The following CHD1L variants were observed in gnomAD, a reference collection of about 807,000 sequenced individuals.
The protein encoded by CHD1L is chromodomain helicase DNA binding protein 1 like.
CHD1L carries 118 observed loss-of-function variants against 115.9 expected under a neutral mutation model. The observed-to-expected ratio is 1.02, with a 90% confidence interval of 0.88 to 1.19. The LOEUF (loss-of-function observed/expected upper bound fraction) is 1.19, where lower values mean the gene tolerates loss of function less well. Among genes scored for constraint, CHD1L ranks in the 50% most tolerant of loss-of-function variants. The pLI is 0.00. For synonymous variants in CHD1L, 411 were observed against 387.1 expected (o/e 1.06, Z -0.72); for missense variants, 1,179 against 1,065.3 (o/e 1.11, Z -1.49).
chr1:147,252,877 G>C (rs991914546), intron 2 of CHD1L, 142 bp downstream of exon 2: 6 of 659,316 alleles, frequency 9.1e-6, no homozygotes, highest in South Asian at 1.9e-5. Flanking sequence ...CTCTTGCACC[G>C]GGAAAGGGCC....
rs1311096135 is a variant in CHD1L, at chr1:147,252,729, C to T, written c.234C>T (p.Thr78=). The change falls in exon 2 of 23, where the codon ACC becomes ACT. Residue 78 remains threonine (T), a synonymous_variant. Transcript: ENST00000369258. Reference sequence around the variant, plus strand: ...GAGATGAGATGGGCCTGGGGAAGACCTGCCAGGTGTGTTACTATGCGACGA... The same window carrying T: ...GAGATGAGATGGGCCTGGGGAAGACTTGCCAGGTGTGTTACTATGCGACGA... ...ILGDEMGLGK[T]CQTIALFIYL... 1 of 1,612,698 alleles carries T rather than the reference C, an allele frequency of 6.2e-7. No homozygotes were observed. Among genetic ancestry groups the T allele is most frequent in the Non-Finnish European group, 8.5e-7 (1 of 1,178,924 alleles).
the CHD1L span, among the ~76,000 whole-genome samples, chr1:147,220,446 G>T: frequency 6.6e-6 from 1 of 152,084 alleles, no homozygotes; most frequent in Non-Finnish European, 1.5e-5. Context: ...CTAACACATG[G>T]ATTCTAAAGT....
At chr1:147,268,080 C>T (rs587671177) in intron 9 of CHD1L, among the ~76,000 whole-genome samples, 62 of 152,278 alleles carry the variant, frequency 4.1e-4, no homozygotes, top group Non-Finnish European at 7.9e-4. Flanking sequence ...GAAGCACTTT[C>T]GTCCCTCAGC....
chr1:147,290,688 C>G (rs991876075), intron 19 of CHD1L, among the ~76,000 whole-genome samples: 1 of 151,978 alleles, frequency 6.6e-6, no homozygotes, highest in Non-Finnish European at 1.5e-5. Context: ...GGGTCTCACC[C>G]TGTCACCCAG....
intron 7 of CHD1L, among the ~76,000 whole-genome samples, chr1:147,265,685 G>A (rs1414567478): frequency 1.3e-5 from 2 of 152,158 alleles, no homozygotes; most frequent in African/African-American, 2.4e-5. Flanking sequence ...AAACAAAACA[G>A]CTTTGTGCAA....
chr1:147,253,185 G>C (rs587618283), intron 2 of CHD1L, among the ~76,000 whole-genome samples: 3 of 152,218 alleles, frequency 2.0e-5, no homozygotes, highest in Admixed American at 2.0e-4. Context: ...CCATTTTCTG[G>C]AAGAGTTTAT....
the CHD1L span, among the ~76,000 whole-genome samples, chr1:147,206,751 C>T: frequency 6.6e-6 from 1 of 151,874 alleles, no homozygotes; most frequent in African/African-American, 2.4e-5. Flanking sequence ...CATCACACAC[C>T]AGGGCCTGTT....
chr1:147,198,149 A>T, the CHD1L span, among the ~76,000 whole-genome samples: 2 of 152,200 alleles, frequency 1.3e-5, no homozygotes, highest in Non-Finnish European at 2.9e-5. Context: ...TCAGGCTTTT[A>T]ACATAACTGG....
the CHD1L span, among the ~76,000 whole-genome samples, chr1:147,236,521 G>A: frequency 2.0e-5 from 3 of 152,298 alleles, no homozygotes; most frequent in East Asian, 5.8e-4. Flanking sequence ...GACCCACATT[G>A]GATAGTTCCT....
intron 14 of CHD1L, among the ~76,000 whole-genome samples, chr1:147,276,819 C>T (rs1013183971): frequency 1.3e-4 from 20 of 152,106 alleles, no homozygotes; most frequent in Admixed American, 1.3e-3. Context: ...TCTGTAGCAG[C>T]CCTTGGGTTA....
Position 147,276,249 on chromosome 1 carries a change from G to C in CHD1L, c.1531G>C (p.Asp511His). ...LGAQKPAADA[D>H]LQLSEILKFG... ...AGCCCAGAAACCCGCTGCCGATGCT[G>C]ACCTCCAGGTATGATATGATATACT... is the stretch of plus-strand genomic sequence containing the variant. The change falls in exon 14 of 23, where the codon GAC (aspartate) becomes CAC (histidine). Residue 511 changes from aspartate (D) to histidine (H), a missense_variant. Coordinates refer to ENST00000369258, the MANE Select transcript of CHD1L (RefSeq NM_004284.6). The C allele has an allele frequency of 6.2e-7, 1 of 1,614,128 alleles. No homozygotes were observed. The highest frequency in any genetic ancestry group is 8.5e-7 in the Non-Finnish European group (1 of 1,180,004).
intron 2 of CHD1L, among the ~76,000 whole-genome samples, chr1:147,253,562 G>C (rs1429518205): frequency 2.6e-5 from 4 of 152,190 alleles, no homozygotes; most frequent in Admixed American, 2.0e-4. Flanking sequence ...GGAATGCAGT[G>C]GCATGATCTT....
chr1:147,247,232 GC>G (rs1427647581), intron 1 of CHD1L, among the ~76,000 whole-genome samples: 1 of 152,130 alleles, frequency 6.6e-6, no homozygotes, highest in African/African-American at 2.4e-5. Flanking sequence ...TTCTGGCCCT[GC>G]TTTAGTTTGG....
chr1:147,208,802 T>C, the CHD1L span: 14 of 1,495,304 alleles, frequency 9.4e-6, no homozygotes, highest in African/African-American at 1.2e-4. Flanking sequence ...GAAGAGTCCT[T>C]ATTCTTGTGC....
the CHD1L span, among the ~76,000 whole-genome samples, chr1:147,209,216 G>A: frequency 1.3e-5 from 2 of 152,006 alleles, no homozygotes; most frequent in Non-Finnish European, 2.9e-5. Context: ...TCAGGAGATC[G>A]AGACCATCCT....
intron 1 of CHD1L, among the ~76,000 whole-genome samples, chr1:147,246,980 T>C (rs1553934124): frequency 6.6e-6 from 1 of 152,188 alleles, no homozygotes; most frequent in Admixed American, 6.5e-5. Context: ...ATGATCTACT[T>C]TGAGTTAATT....
chr1:147,284,598 T>C (rs1454697512), intron 16 of CHD1L, 99 bp downstream of exon 16: 1 of 1,085,442 alleles, frequency 9.2e-7, no homozygotes, highest in African/African-American at 1.6e-5. Context: ...CTTAGGATGA[T>C]TTGTCAAGAA....
At chr1:147,178,439 G>A in the CHD1L span, 1 of 1,611,526 alleles carries the variant, frequency 6.2e-7, no homozygotes, top group African/African-American at 1.3e-5. Context: ...TTTAGAGATG[G>A]TGAAGAAGCA....
the CHD1L span, among the ~76,000 whole-genome samples, chr1:147,236,027 G>A: frequency 6.6e-6 from 1 of 152,196 alleles, no homozygotes; most frequent in Non-Finnish European, 1.5e-5. Context: ...GCAGAGAGGG[G>A]TGTGTGAGCA....
Sources: gnomAD v4.1 joint callset for allele counts (sites outside exome capture counted in the v4.1 genomes callset) on GRCh38, gnomAD v4.1.1 for gene constraint, MANE v1.5 for transcripts, NCBI Gene and HGNC (gene_info 2026-07-23, HGNC 2026-07-21) for gene names.